SEPTIN7: variants seen among roughly 807,000 people sequenced by gnomAD.
SEPTIN7 encodes septin 7.
A neutral mutation model predicts 63.3 loss-of-function variants in SEPTIN7; 10 were observed. The ratio of observed to expected loss-of-function variants is 0.16; its 90% CI spans 0.10 to 0.27. SEPTIN7 has a LOEUF of 0.27. Ranked by LOEUF, SEPTIN7 falls within the 10% of genes least tolerant of loss-of-function variation. The pLI, the probability that SEPTIN7 is intolerant of heterozygous loss-of-function variation, is 1.00. For missense variants in SEPTIN7, 310 were observed against 521.0 expected (o/e 0.59, Z 3.94); for synonymous variants, 131 against 165.3 (o/e 0.79, Z 1.59).
intron 1 of SEPTIN7, among the ~76,000 whole-genome samples, chr7:35,802,789 G>A (rs1788077940): frequency 6.6e-6 from 1 of 152,034 alleles, no homozygotes. Context: ...AAGGGAATGA[G>A]TAAGGGGTGG....
At chr7:35,901,828 A>G (rs970116049) in intron 12 of SEPTIN7, 7 of 151,964 alleles carry the variant, frequency 4.6e-5, no homozygotes, top group African/African-American at 1.7e-4. Context: ...AACTAGAGAC[A>G]TTTTCTTATG....
intron 3 of SEPTIN7, among the ~76,000 whole-genome samples, chr7:35,834,083 A>G (rs781335212): frequency 3.9e-5 from 6 of 152,120 alleles, no homozygotes; most frequent in Middle Eastern, 3.4e-3. Flanking sequence ...AGATAGAGGG[A>G]TAAAATAATG....
intron 1 of SEPTIN7, among the ~76,000 whole-genome samples, chr7:35,822,011 A>G (rs1428143893): frequency 6.6e-6 from 1 of 152,092 alleles, no homozygotes; most frequent in African/African-American, 2.4e-5. Flanking sequence ...CCGACCTCAG[A>G]TGATCCACCC....
At position 35,872,731 on chromosome 7, in the gene SEPTIN7, C is replaced by T. The variant is rs1451442270; in HGVS notation, c.342C>T (p.Thr114=). The T allele has an allele frequency of 1.2e-6, 2 of 1,612,216 alleles. No homozygotes were observed. Among genetic ancestry groups the T allele is most frequent in the East Asian group, 2.2e-5 (1 of 44,864 alleles). The change falls in exon 5 of 14, where the codon ACC becomes ACT. Residue 114 remains threonine (T), a synonymous_variant. Coordinates refer to ENST00000350320, the MANE Select transcript of SEPTIN7 (RefSeq NM_001788.6). ...AGTTGCTGCTCACAATAGTTGATAC[C>T]CCAGGATTTGGAGATGCAGTGGATA... ...GVQLLLTIVD[T]PGFGDAVDNS... is the part of the protein sequence containing the mutation.
Position 35,841,852 on chromosome 7 carries a change from C to G in SEPTIN7, c.169+8952C>G, listed in dbSNP as rs144354715. ...GCAAGGAAGACTGCTCTTTCTTTCT[C>G]CATAATGGGTAATTTCTAAATCTTT... On this transcript the variant is annotated intron_variant, in intron 3 of 13. Coordinates refer to ENST00000350320, the MANE Select transcript of SEPTIN7 (RefSeq NM_001788.6). Among the ~76,000 whole-genome samples the G allele has an allele frequency of 3.9e-5, 6 of 152,274 alleles. No homozygotes were observed. The East Asian group carries it at 1.2e-3, about 29-fold the overall frequency.
chr7:35,872,283 C>G (rs969387239), intron 4 of SEPTIN7, among the ~76,000 whole-genome samples: 5 of 152,054 alleles, frequency 3.3e-5, no homozygotes, highest in Non-Finnish European at 7.4e-5. Context: ...TACATTTGAA[C>G]TCTGTGAATT....
intron 1 of SEPTIN7, among the ~76,000 whole-genome samples, chr7:35,822,953 T>C (rs1487954746): frequency 6.6e-6 from 1 of 152,246 alleles, no homozygotes; most frequent in Non-Finnish European, 1.5e-5. Flanking sequence ...TTTTGGCCCA[T>C]GTGTAAGACA....
chr7:35,904,545 T>C lies in SEPTIN7; in HGVS notation c.*252T>C, dbSNP rs1788507896. On this transcript the variant is annotated 3_prime_UTR_variant, in exon 14 of 14. Coordinates refer to ENST00000350320, the MANE Select transcript of SEPTIN7 (RefSeq NM_001788.6). ...ATTTTCTTTTTTTATTAAACAGATA[T>C]CTTCAGTTTAATGCAAGAGAACATT... is the stretch of plus-strand genomic sequence containing the variant. 4 of 309,690 alleles carry C rather than the reference T, an allele frequency of 1.3e-5. No homozygotes were observed. The highest frequency in any genetic ancestry group is 1.2e-5 in the Non-Finnish European group (2 of 169,894). The allele number at this position is 309,690 out of a possible 1,614,324, so 19.2% of individuals were successfully genotyped here. A position where few individuals can be genotyped will look rare whatever the true frequency, so the allele number is the denominator to read the frequency against.
At chr7:35,881,470 A>G (rs1003494472) in intron 7 of SEPTIN7, among the ~76,000 whole-genome samples, 1 of 150,964 alleles carries the variant, frequency 6.6e-6, no homozygotes, top group Non-Finnish European at 1.5e-5. Context: ...TTTTCTCGTC[A>G]TCATGTATTT....
intron 8 of SEPTIN7, among the ~76,000 whole-genome samples, chr7:35,883,579 C>T (rs1787033321): frequency 7.1e-6 from 1 of 141,512 alleles, no homozygotes; most frequent in Admixed American, 7.2e-5. Context: ...ATAGTTTTTA[C>T]CTTTTATCCC....
chr7:35,853,443 G>C (rs1255388150), intron 3 of SEPTIN7, among the ~76,000 whole-genome samples: 1 of 152,148 alleles, frequency 6.6e-6, no homozygotes, highest in Non-Finnish European at 1.5e-5. Flanking sequence ...CGGGGGAAGT[G>C]GGTCAGGACA....
chr7:35,828,056 G>T (rs962088138), intron 1 of SEPTIN7, among the ~76,000 whole-genome samples: 1 of 152,128 alleles, frequency 6.6e-6, no homozygotes, highest in African/African-American at 2.4e-5. Context: ...TGGGAAATCA[G>T]TCATATGGGG....
In SEPTIN7 at chr7:35,832,906, A is replaced by G. The variant is rs1440489924; in HGVS notation, c.169+6A>G. On this transcript the variant is annotated splice_donor_region_variant and intron_variant, in intron 3 of 13. Transcript: ENST00000350320. ...ATTCACGCTTATGGTAGTGGGTAAG[A>G]TATGATTTCTTACTAAAATGGAACT... 5.3e-6 allele frequency: 8 copies of G among 1,508,346 alleles called. No homozygotes were observed. The highest frequency in any genetic ancestry group is 2.3e-5 in the East Asian group (1 of 44,346). 93.4% of individuals were successfully genotyped at this position (1,508,346 alleles called of 1,614,324 possible).
intron 11 of SEPTIN7, among the ~76,000 whole-genome samples, chr7:35,897,001 T>C (rs1484774020): frequency 6.6e-6 from 1 of 152,124 alleles, no homozygotes; most frequent in Non-Finnish European, 1.5e-5. Context: ...GAAAAGAAAA[T>C]TGCTGTGATG....
intron 11 of SEPTIN7, among the ~76,000 whole-genome samples, chr7:35,897,809 T>C (rs1283777567): frequency 6.6e-6 from 1 of 152,190 alleles, no homozygotes; most frequent in Non-Finnish European, 1.5e-5. Context: ...ATTTTTGTGT[T>C]GTTAGTAGCT....
At chr7:35,913,576 C>T in the SEPTIN7 span, among the ~76,000 whole-genome samples, 1 of 143,334 alleles carries the variant, frequency 7.0e-6, no homozygotes, top group Non-Finnish European at 1.5e-5. Flanking sequence ...TCTTTCCTTC[C>T]TTCCTTCTTT....
intron 3 of SEPTIN7, among the ~76,000 whole-genome samples, chr7:35,833,654 G>A (rs1229234375): frequency 6.6e-6 from 1 of 151,970 alleles, no homozygotes; most frequent in Non-Finnish European, 1.5e-5. Context: ...ATTGTATAGT[G>A]TAACTTTGTT....
chr7:35,828,637 A>G (rs942235851), intron 1 of SEPTIN7, among the ~76,000 whole-genome samples: 37 of 152,186 alleles, frequency 2.4e-4, no homozygotes, highest in African/African-American at 8.2e-4. Context: ...TTGGTCTCCC[A>G]AAGTGCTAGG....
intron 11 of SEPTIN7, among the ~76,000 whole-genome samples, chr7:35,891,593 T>A (rs1462066766): frequency 2.0e-5 from 3 of 152,184 alleles, no homozygotes; most frequent in Admixed American, 2.0e-4. Flanking sequence ...GCACTTGGTT[T>A]GAATGGAGTT....
Sources: allele counts gnomAD v4.1 joint callset (sites outside exome capture counted in the v4.1 genomes callset), GRCh38; gene constraint gnomAD v4.1.1; transcripts MANE v1.5; gene names NCBI Gene and HGNC (gene_info 2026-07-23, HGNC 2026-07-21).